The following ADAMTS17 variants were observed in gnomAD, a reference collection of about 807,000 sequenced individuals.
ADAMTS17 encodes ADAM metallopeptidase with thrombospondin type 1 motif 17, also known as A disintegrin and metalloproteinase with thrombospondin motifs 17.
In ADAMTS17, 113 loss-of-function variants were observed where a neutral mutation model predicts 141.5. The ratio of observed to expected loss-of-function variants is 0.80; its 90% CI spans 0.69 to 0.93. The LOEUF (loss-of-function observed/expected upper bound fraction) is 0.93. ADAMTS17 is among the 40% of genes least tolerant of loss of function. ADAMTS17 has a pLI of 0.00. For synonymous variants in ADAMTS17, 768 were observed against 630.6 expected, an observed-to-expected ratio of 1.22 and a Z score of -3.27; for missense variants, 1,659 against 1,517.9, an observed-to-expected ratio of 1.09 and a Z score of -1.54.
At chr15:99,976,631 A>C (rs2060337880) in intron 20 of ADAMTS17, 4 of 330,356 alleles carry the variant, frequency 1.2e-5, no homozygotes, top group South Asian at 1.1e-4. Context: ...AGATGTCATG[A>C]GGGTGGAGCC....
intron 7 of ADAMTS17, among the ~76,000 whole-genome samples, chr15:100,244,613 G>A (rs540224921): frequency 2.0e-5 from 3 of 152,148 alleles, no homozygotes; most frequent in African/African-American, 7.2e-5. Flanking sequence ...GGTGGCACCT[G>A]GTGATGGGCT....
At chr15:100,005,683 T>C (rs902456167) in intron 18 of ADAMTS17, among the ~76,000 whole-genome samples, 4 of 152,196 alleles carry the variant, frequency 2.6e-5, no homozygotes, top group South Asian at 2.1e-4. Context: ...AATTTGCCGA[T>C]AAAAGGACTG....
At chr15:100,300,572 A>G (rs1185107429) in intron 3 of ADAMTS17, among the ~76,000 whole-genome samples, 2 of 152,212 alleles carry the variant, frequency 1.3e-5, no homozygotes, top group Non-Finnish European at 1.5e-5. Context: ...CGTGCAAAGG[A>G]GCCTTGGGCT....
At chr15:100,076,371 G>A (rs1014647173) in intron 15 of ADAMTS17, among the ~76,000 whole-genome samples, 3 of 152,256 alleles carry the variant, frequency 2.0e-5, no homozygotes, top group South Asian at 2.1e-4. Flanking sequence ...CAAGGCTACT[G>A]TTGATCAATT....
At chr15:100,310,289 C>G (rs1051336990) in intron 3 of ADAMTS17, among the ~76,000 whole-genome samples, 1 of 152,222 alleles carries the variant, frequency 6.6e-6, no homozygotes, top group African/African-American at 2.4e-5. Context: ...CAGCCCCACA[C>G]AGGGAGAGGA....
At chr15:100,221,850 T>G (rs992422048) in intron 7 of ADAMTS17, among the ~76,000 whole-genome samples, 1 of 152,224 alleles carries the variant, frequency 6.6e-6, no homozygotes, top group Non-Finnish European at 1.5e-5. Flanking sequence ...TGTTGACTTC[T>G]GCCTGTGCTC....
intron 14 of ADAMTS17, among the ~76,000 whole-genome samples, chr15:100,103,300 G>C (rs2036229971): frequency 6.6e-6 from 1 of 152,234 alleles, no homozygotes; most frequent in Admixed American, 6.5e-5. Context: ...GGCAGCATGT[G>C]GGGAGCATCG....
chr15:100,092,895 C>T (rs535982813), intron 15 of ADAMTS17, among the ~76,000 whole-genome samples: 1 of 152,244 alleles, frequency 6.6e-6, no homozygotes, highest in South Asian at 2.1e-4. Context: ...TGACCAGCCA[C>T]CTTTTTAGTG....
chr15:100,330,785 G>A (rs2046027243), intron 3 of ADAMTS17, 104 bp downstream of exon 3: 10 of 1,431,908 alleles, frequency 7.0e-6, no homozygotes, highest in Non-Finnish European at 9.6e-6. Flanking sequence ...GAAATATAGG[G>A]GAAGGTAAGT....
chr15:100,241,375 G>C (rs1185260018), intron 7 of ADAMTS17, among the ~76,000 whole-genome samples: 1 of 152,192 alleles, frequency 6.6e-6, no homozygotes, highest in Non-Finnish European at 1.5e-5. Flanking sequence ...TCCCCACAGG[G>C]ATGGAAGTCT....
intron 18 of ADAMTS17, among the ~76,000 whole-genome samples, chr15:100,015,568 C>T (rs770549570): frequency 2.0e-5 from 3 of 152,088 alleles, no homozygotes; most frequent in Non-Finnish European, 4.4e-5. Context: ...TTGGTAGTGG[C>T]GAATTCTCTC....
chr15:100,111,202 G>A (rs948568680), intron 13 of ADAMTS17, among the ~76,000 whole-genome samples: 3 of 152,212 alleles, frequency 2.0e-5, no homozygotes, highest in East Asian at 1.9e-4. Flanking sequence ...TCCGGGGAAA[G>A]ACAGACACGT....
At chr15:100,197,446 C>G (rs1185648375) in intron 8 of ADAMTS17, among the ~76,000 whole-genome samples, 2 of 152,124 alleles carry the variant, frequency 1.3e-5, no homozygotes, top group Non-Finnish European at 2.9e-5. Flanking sequence ...AAGATGTTTG[C>G]CAAACCCATT....
chr15:100,171,572 C>T (rs994442966), intron 8 of ADAMTS17, among the ~76,000 whole-genome samples: 6 of 152,180 alleles, frequency 3.9e-5, no homozygotes, highest in Admixed American at 6.5e-5. Context: ...TGTCCTCTGG[C>T]GGGCCCAGCT....
At chr15:100,316,647 C>A (rs2045574811) in intron 3 of ADAMTS17, among the ~76,000 whole-genome samples, 1 of 152,246 alleles carries the variant, frequency 6.6e-6, no homozygotes, top group South Asian at 2.1e-4. Flanking sequence ...TTGGGAAACC[C>A]ACTCTATGGA....
At chr15:100,172,059 G>A (rs911987388) in intron 8 of ADAMTS17, among the ~76,000 whole-genome samples, 1 of 152,184 alleles carries the variant, frequency 6.6e-6, no homozygotes, top group Non-Finnish European at 1.5e-5. Context: ...GACCATTCAT[G>A]TTCTGCCTGA....
chr15:100,169,026 G>A (rs1031003207), intron 8 of ADAMTS17, among the ~76,000 whole-genome samples: 2 of 152,294 alleles, frequency 1.3e-5, no homozygotes, highest in South Asian at 2.1e-4. Flanking sequence ...GGGCAGGCAC[G>A]GTAAAACTGA....
chr15:100,232,700 C>A (rs927130577), intron 7 of ADAMTS17, among the ~76,000 whole-genome samples: 2 of 152,348 alleles, frequency 1.3e-5, no homozygotes, highest in South Asian at 4.1e-4. Flanking sequence ...CCCCACCAAG[C>A]CTGTTTCCTG....
At chr15:99,983,280 G>A (rs987183489) in intron 20 of ADAMTS17, among the ~76,000 whole-genome samples, 1 of 152,154 alleles carries the variant, frequency 6.6e-6, no homozygotes, top group Non-Finnish European at 1.5e-5. Context: ...GAACACAGTA[G>A]GTGCTCAATA....
Sources: allele counts gnomAD v4.1 joint callset (sites outside exome capture counted in the v4.1 genomes callset), GRCh38; gene constraint gnomAD v4.1.1; transcripts MANE v1.5; gene names NCBI Gene and HGNC (gene_info 2026-07-23, HGNC 2026-07-21).